UHRF2: variants seen among roughly 807,000 people sequenced by gnomAD.
The protein encoded by UHRF2 is ubiquitin like with PHD and ring finger domains 2, also known as E3 ubiquitin-protein ligase UHRF2.
A neutral mutation model predicts 96.8 loss-of-function variants in UHRF2; 23 were observed. The ratio of observed to expected loss-of-function variants is 0.24; its 90% confidence interval spans 0.17 to 0.34. UHRF2 has a LOEUF of 0.34. UHRF2 is among the 10% of genes least tolerant of loss of function. UHRF2 has a pLI of 1.00. For synonymous variants in UHRF2, 385 were observed against 332.6 expected (o/e 1.16, Z -1.72); for missense variants, 685 against 981.5 (o/e 0.70, Z 4.04).
chr9:6,440,580 T>C (rs1821102811), intron 3 of UHRF2, among the ~76,000 whole-genome samples: 1 of 152,208 alleles, frequency 6.6e-6, no homozygotes. Flanking sequence ...CTTTAGACTT[T>C]GCCTGGGATT....
At chr9:6,488,271 A>ATGCGGG (rs1824431737) in intron 9 of UHRF2, among the ~76,000 whole-genome samples, 1 of 68,278 alleles carries the variant, frequency 1.5e-5, no homozygotes, top group African/African-American at 1.3e-4. Context: ...AAAAAAAAAA[A>ATGCGGG]AAAAAAAAAA....
rs546137266 is a variant in UHRF2, at chr9:6,502,527, A to G, written c.2163+1818A>G. On this transcript the variant is annotated intron_variant, in intron 14 of 15. Transcript: ENST00000276893. Reference sequence around the variant, plus strand: ...GATCTCAAACACCTGGGCTCAGGCAATCCTCCCGCTTCAGCCTCCTAAGTA... The same window carrying G: ...GATCTCAAACACCTGGGCTCAGGCAGTCCTCCCGCTTCAGCCTCCTAAGTA... Among the ~76,000 whole-genome samples the G allele has an allele frequency of 7.2e-5, 11 of 152,328 alleles. No individual in the cohort carries two copies. The South Asian group carries it at 8.3e-4, about 11-fold the overall frequency.
intron 11 of UHRF2, among the ~76,000 whole-genome samples, chr9:6,497,801 C>G (rs558768829): frequency 2.6e-5 from 4 of 152,252 alleles, no homozygotes; most frequent in African/African-American, 2.4e-5. Flanking sequence ...TCTTGTTACT[C>G]TATTAAATTT....
At chr9:6,429,167 G>GA (rs879346848) in intron 2 of UHRF2, among the ~76,000 whole-genome samples, 236 of 135,144 alleles carry the variant, frequency 1.7e-3, no homozygotes, top group Middle Eastern at 3.6e-3. Context: ...TCTGTCTCAG[G>GA]AAAAAAAAAA....
intron 1 of UHRF2, chr9:6,414,163 A>C (rs943717157): frequency 6.6e-6 from 1 of 152,282 alleles, no homozygotes; most frequent in Non-Finnish European, 1.5e-5. Context: ...CTGCTTCCTG[A>C]CTGTGGTAGG....
At chr9:6,416,930 G>A (rs2130706790) in intron 1 of UHRF2, among the ~76,000 whole-genome samples, 1 of 152,262 alleles carries the variant, frequency 6.6e-6, no homozygotes, top group East Asian at 1.9e-4. Context: ...AGATAACAAT[G>A]TGGGGCATGA....
intron 14 of UHRF2, among the ~76,000 whole-genome samples, chr9:6,501,426 G>A (rs908361767): frequency 1.1e-4 from 16 of 152,114 alleles, no homozygotes; most frequent in African/African-American, 3.6e-4. Flanking sequence ...TCTCCAAAGT[G>A]TTGATGTGCC....
In UHRF2 at chr9:6,499,862, G is replaced by C. The variant is rs939267645; in HGVS notation, c.1936G>C (p.Glu646Gln). The C allele has an allele frequency of 3.1e-6, 5 of 1,611,158 alleles. No individual in the cohort carries two copies. The highest frequency in any genetic ancestry group is 4.2e-6 in the Non-Finnish European group (5 of 1,178,562). ...QYPAGYPSDK[E>Q]GKKPKGQSKK... ...TCCAGCAGGTTACCCTTCAGATAAA[G>C]AAGGGAAGAAGCCTAAAGGACAGTC... Residue 646 changes from glutamate (E) to glutamine (Q), a missense_variant, in exon 13 of 16, where the codon GAA becomes CAA. This residue lies in a region of UHRF2 where 99 missense variants were observed against 73.5 expected (regional missense o/e 1.35). Coordinates refer to ENST00000276893, the MANE Select transcript of UHRF2 (RefSeq NM_152896.3).
intron 9 of UHRF2, among the ~76,000 whole-genome samples, chr9:6,487,973 G>C (rs1824409992): frequency 6.6e-6 from 1 of 152,024 alleles, no homozygotes. Context: ...GAATCCAGTG[G>C]CTCATGCCTG....
At chr9:6,481,081 G>C (rs1300957079) in intron 6 of UHRF2, among the ~76,000 whole-genome samples, 1 of 152,166 alleles carries the variant, frequency 6.6e-6, no homozygotes, top group East Asian at 1.9e-4. Flanking sequence ...ATTCAAGGCA[G>C]TTTACGAAAT....
chr9:6,484,112 A>C, intron 8 of UHRF2, among the ~76,000 whole-genome samples: 2 of 136,386 alleles, frequency 1.5e-5, no homozygotes, highest in East Asian at 2.2e-4. Flanking sequence ...TTGCTCTATC[A>C]CCCAGGCTGG....
At chr9:6,440,484 A>G (rs552333440) in intron 3 of UHRF2, among the ~76,000 whole-genome samples, 1 of 152,338 alleles carries the variant, frequency 6.6e-6, no homozygotes, top group African/African-American at 2.4e-5. Context: ...GGTACATATA[A>G]TTGATAATAG....
Position 6,484,392 on chromosome 9 carries a change from TCTC to T in UHRF2, c.1392+2310_1392+2312del, listed in dbSNP as rs1196787369. Among the ~76,000 whole-genome samples the T allele has an allele frequency of 3.9e-4, 58 of 149,546 alleles. 1 individual carries two copies. Among genetic ancestry groups the T allele is most frequent in the African/African-American group, 9.3e-4 (38 of 40,768 alleles). On this transcript the variant is annotated intron_variant, in intron 8 of 15. Coordinates refer to ENST00000276893, the MANE Select transcript of UHRF2 (RefSeq NM_152896.3). The stretch of plus-strand genomic sequence containing the variant: ...GGTGGTGGCAGGTGTGGCAGCAGCT[TCTC>T]CTCCTCCTCCTCCTCCCTCCTCCCT...
intron 9 of UHRF2, among the ~76,000 whole-genome samples, chr9:6,491,842 A>C (rs1188278896): frequency 6.6e-6 from 1 of 152,220 alleles, no homozygotes; most frequent in Admixed American, 6.5e-5. Flanking sequence ...TTAATGGATC[A>C]TTGACTAGAA....
At chr9:6,425,356 A>G (rs1007410492) in intron 2 of UHRF2, among the ~76,000 whole-genome samples, 3 of 152,094 alleles carry the variant, frequency 2.0e-5, no homozygotes, top group Non-Finnish European at 4.4e-5. Flanking sequence ...CTTAAGCATT[A>G]TCTTACTTTC....
In UHRF2 at chr9:6,469,036, A is replaced by G. The variant is rs1020403382; in HGVS notation, c.864-6355A>G. Among the ~76,000 whole-genome samples, 22 of 152,198 alleles carry G rather than the reference A, an allele frequency of 1.4e-4. 1 individual carries two copies. Among genetic ancestry groups the G allele is most frequent in the Admixed American group, 6.5e-5 (1 of 15,280 alleles). On this transcript the variant is annotated intron_variant, in intron 4 of 15. Transcript: ENST00000276893. ...GCCACATAATCAGAAAACAGAAGGA[A>G]TACCAATTATGGGAATAGACCCATA...
At chr9:6,431,372 C>G (rs1379656958) in intron 2 of UHRF2, among the ~76,000 whole-genome samples, 1 of 151,972 alleles carries the variant, frequency 6.6e-6, no homozygotes, top group Non-Finnish European at 1.5e-5. Context: ...CTATGAGAGA[C>G]CAAGGAAAGA....
intron 8 of UHRF2, among the ~76,000 whole-genome samples, chr9:6,485,829 CA>C (rs1374982862): frequency 9.2e-5 from 8 of 87,210 alleles, no homozygotes; most frequent in African/African-American, 3.2e-4. Flanking sequence ...AAAAAAAAAA[CA>C]AAACCCAAAA....
At chr9:6,477,600 G>T in intron 5 of UHRF2, 22 bp from the exon 6 acceptor site, 1 of 1,572,546 alleles carries the variant, frequency 6.4e-7, no homozygotes, top group Non-Finnish European at 8.6e-7. Context: ...GACTAGACTT[G>T]CTATAATTTT....
Sources: gnomAD v4.1 joint callset for allele counts (sites outside exome capture counted in the v4.1 genomes callset) on GRCh38, gnomAD v4.1.1 for gene constraint, gnomAD v4.1.1 regional missense constraint, MANE v1.5 for transcripts, NCBI Gene and HGNC (gene_info 2026-07-23, HGNC 2026-07-21) for gene names.